Variants in MECOM observed in about 807,000 individuals in gnomAD.
MECOM encodes MDS1 and EVI1 complex locus.
In MECOM, 13 loss-of-function variants were observed where a neutral mutation model predicts 116.3. That is an observed-to-expected ratio of 0.11 (90% CI 0.07 to 0.18). MECOM has a LOEUF of 0.18. MECOM is among the 10% of genes least tolerant of loss of function. The pLI is 1.00. For synonymous variants in MECOM, 528 were observed against 535.2 expected (o/e 0.99, Z 0.19); for missense variants, 1,299 against 1,509.0 (o/e 0.86, Z 2.31).
chr3:169,286,341 A>G (rs1713314828), intron 2 of MECOM, among the ~76,000 whole-genome samples: 1 of 152,154 alleles, frequency 6.6e-6, no homozygotes. Context: ...TTCATACCCA[A>G]GTTGTTGACC....
chr3:169,585,649 G>C (rs188147392), intron 1 of MECOM, among the ~76,000 whole-genome samples: 4 of 152,160 alleles, frequency 2.6e-5, no homozygotes, highest in Non-Finnish European at 5.9e-5. Flanking sequence ...TGCCTGGACC[G>C]CAGAGGTTGT....
intron 1 of MECOM, among the ~76,000 whole-genome samples, chr3:169,574,426 A>C (rs1191152546): frequency 1.3e-5 from 2 of 152,248 alleles, no homozygotes; most frequent in Non-Finnish European, 2.9e-5. Context: ...TTGATAAATT[A>C]AAATGGTGAG....
At chr3:169,252,543 T>C (rs1756380337) in intron 2 of MECOM, among the ~76,000 whole-genome samples, 2 of 151,104 alleles carry the variant, frequency 1.3e-5, no homozygotes, top group African/African-American at 2.4e-5. Flanking sequence ...TTTATACTTA[T>C]ATAAATATTG....
intron 2 of MECOM, among the ~76,000 whole-genome samples, chr3:169,317,523 G>A (rs980255234): frequency 2.6e-5 from 4 of 152,142 alleles, no homozygotes; most frequent in Admixed American, 1.3e-4. Flanking sequence ...ATTCATAATT[G>A]TCTCCATCCT....
chr3:169,159,469 G>T (rs1477476996), intron 2 of MECOM, among the ~76,000 whole-genome samples: 1 of 152,114 alleles, frequency 6.6e-6, no homozygotes, highest in Non-Finnish European at 1.5e-5. Context: ...TGAGGCAGGA[G>T]AATTGCTTGA....
Position 169,090,218 on chromosome 3 carries a change from A to T in MECOM, c.3183T>A (p.Phe1061Leu), listed in dbSNP as rs1289392707. Residue 1061 changes from phenylalanine (F) to leucine (L), a missense_variant, in exon 15 of 17, where the codon TTT becomes TTA. Around this residue, in one of 6 missense-constraint regions of MECOM, gnomAD observed 273 missense variants for 289.3 expected, o/e 0.94. Transcript: ENST00000651503. Reference sequence around the variant, plus strand: ...TGGTCACCAAAGCCTTTTCATCTTTAAAATGACTGCCATTCATTCTTTCAA... The same window carrying T: ...TGGTCACCAAAGCCTTTTCATCTTTTAAATGACTGCCATTCATTCTTTCAA... ...NVEERMNGSH[F>L]KDEKALVTSQ... 1 of 1,610,052 alleles carries T rather than the reference A, an allele frequency of 6.2e-7. No individual in the cohort carries two copies. Among genetic ancestry groups the T allele is most frequent in the Non-Finnish European group, 8.5e-7 (1 of 1,178,784 alleles).
chr3:169,339,972 G>A (rs1724212719), intron 2 of MECOM, among the ~76,000 whole-genome samples: 1 of 152,198 alleles, frequency 6.6e-6, no homozygotes, highest in African/African-American at 2.4e-5. Context: ...GGAAGAACAA[G>A]TGGGCCACAT....
intron 2 of MECOM, among the ~76,000 whole-genome samples, chr3:169,367,358 T>TTTG (rs762725001): frequency 3.3e-5 from 5 of 151,546 alleles, no homozygotes; most frequent in Admixed American, 6.6e-5. Flanking sequence ...AATTTTTTTT[T>TTTG]TGTGGGGGTA....
chr3:169,111,388 GTATT>G (rs1400192531), intron 9 of MECOM, among the ~76,000 whole-genome samples: 10 of 152,002 alleles, frequency 6.6e-5, no homozygotes, highest in South Asian at 2.1e-4. Flanking sequence ...ATGTTCATAA[GTATT>G]TATTTATAAT....
intron 1 of MECOM, among the ~76,000 whole-genome samples, chr3:169,442,224 C>T (rs1238034003): frequency 6.6e-6 from 1 of 152,128 alleles, no homozygotes; most frequent in Admixed American, 6.6e-5. Flanking sequence ...CCATATCCAG[C>T]CAATTTTTGT....
intron 2 of MECOM, among the ~76,000 whole-genome samples, chr3:169,220,526 G>A (rs1751991885): frequency 6.6e-6 from 1 of 151,870 alleles, no homozygotes; most frequent in Admixed American, 6.6e-5. Context: ...CCAGACTGGA[G>A]TGCAGTAGCT....
At chr3:169,217,586 C>A (rs919520482) in intron 2 of MECOM, among the ~76,000 whole-genome samples, 1 of 151,944 alleles carries the variant, frequency 6.6e-6, no homozygotes, top group Non-Finnish European at 1.5e-5. Flanking sequence ...GAGTTTGAGA[C>A]CAGCCTGGCT....
chr3:169,245,003 A>G (rs904760355), intron 2 of MECOM, among the ~76,000 whole-genome samples: 1 of 152,246 alleles, frequency 6.6e-6, no homozygotes, highest in Admixed American at 6.5e-5. Context: ...GAAGGCTTTA[A>G]AAATAGATAT....
At chr3:169,389,274 C>G (rs1053142504) in intron 1 of MECOM, among the ~76,000 whole-genome samples, 6 of 152,208 alleles carry the variant, frequency 3.9e-5, no homozygotes, top group African/African-American at 1.4e-4. Flanking sequence ...AAAATTCATA[C>G]TTGAGGTACC....
At chr3:169,519,942 C>T (rs1368652142) in intron 1 of MECOM, among the ~76,000 whole-genome samples, 2 of 152,222 alleles carry the variant, frequency 1.3e-5, no homozygotes, top group Non-Finnish European at 2.9e-5. Context: ...TATGCCTGGC[C>T]AATAGAAGCA....
At chr3:169,246,861 G>T (rs962629978) in intron 2 of MECOM, among the ~76,000 whole-genome samples, 2 of 152,010 alleles carry the variant, frequency 1.3e-5, no homozygotes, top group Admixed American at 1.3e-4. Context: ...TCATGTATTT[G>T]TTCCTTATGT....
intron 2 of MECOM, among the ~76,000 whole-genome samples, chr3:169,192,144 T>A (rs1747787183): frequency 6.6e-6 from 1 of 152,084 alleles, no homozygotes; most frequent in African/African-American, 2.4e-5. Flanking sequence ...AAGTCTGGAA[T>A]GAAGTCTCAA....
intron 2 of MECOM, among the ~76,000 whole-genome samples, chr3:169,289,319 A>T (rs894510844): frequency 1.3e-5 from 2 of 152,154 alleles, no homozygotes; most frequent in Non-Finnish European, 2.9e-5. Flanking sequence ...CTGCTCACTA[A>T]CCTGTAATTA....
intron 1 of MECOM, among the ~76,000 whole-genome samples, chr3:169,634,940 T>C (rs913376703): frequency 6.6e-6 from 1 of 151,836 alleles, no homozygotes; most frequent in Non-Finnish European, 1.5e-5. Context: ...CAGCACCTTG[T>C]TTTTCTGTTG....
Sources: gnomAD v4.1 joint callset for allele counts (sites outside exome capture counted in the v4.1 genomes callset) on GRCh38, gnomAD v4.1.1 for gene constraint, gnomAD v4.1.1 regional missense constraint, MANE v1.5 for transcripts, NCBI Gene and HGNC (gene_info 2026-07-23, HGNC 2026-07-21) for gene names.